UGT1A7: variants seen among roughly 807,000 people sequenced by gnomAD.
The protein encoded by UGT1A7 is UDP glucuronosyltransferase family 1 member A7.
In UGT1A7, 33 loss-of-function variants were observed where a neutral mutation model predicts 45.6. That is an observed-to-expected ratio of 0.72 (90% CI 0.55 to 0.97). UGT1A7 has a LOEUF of 0.97. Among genes scored for constraint, UGT1A7 ranks in the 50% least tolerant of loss-of-function variants. The pLI is 0.00. For missense variants in UGT1A7, 684 were observed against 666.2 expected (o/e 1.03, Z -0.29); for synonymous variants, 274 against 250.6 (o/e 1.09, Z -0.88).
At chr2:233,691,600 T>G in intron 1 of UGT1A7, 1 of 985,704 alleles carries the variant, frequency 1.0e-6, no homozygotes, top group Non-Finnish European at 1.2e-6. Flanking sequence ...TACACAGGTC[T>G]TGCTCTGGGA....
chr2:233,698,411 G>T (rs1011894202), intron 1 of UGT1A7, among the ~76,000 whole-genome samples: 1 of 152,042 alleles, frequency 6.6e-6, no homozygotes, highest in African/African-American at 2.4e-5. Flanking sequence ...TGACTTCATC[G>T]CAATAAATTA....
intron 1 of UGT1A7, chr2:233,691,082 A>G (rs2075027745): frequency 1.0e-6 from 1 of 986,066 alleles, no homozygotes; most frequent in Admixed American, 6.1e-5. Context: ...TGAAGTTTGT[A>G]GCATCTCTTG....
At position 233,772,646 on chromosome 2, in the gene UGT1A7, A is replaced by C; in HGVS notation, c.*87A>C. 6.5e-7 allele frequency: 1 copy of C among 1,549,870 alleles called. No homozygotes were observed. The highest frequency in any genetic ancestry group is 8.7e-7 in the Non-Finnish European group (1 of 1,147,250). ...ACAGAATCAGTGTTAAATTCATTTT[A>C]TTCTTATTAAGGAAATACTTTGCAT... On this transcript the variant is annotated 3_prime_UTR_variant, in exon 5 of 5. Coordinates refer to ENST00000373426, the MANE Select transcript of UGT1A7 (RefSeq NM_019077.3).
chr2:233,707,630 ATCCC>A (rs2075978386), intron 1 of UGT1A7, among the ~76,000 whole-genome samples: 1 of 151,038 alleles, frequency 6.6e-6, no homozygotes, highest in Non-Finnish European at 1.5e-5. Flanking sequence ...TACTGAATAT[ATCCC>A]ATTGTATGAA....
chr2:233,713,755 G>A (rs1032463751), intron 1 of UGT1A7: 1 of 1,613,844 alleles, frequency 6.2e-7, no homozygotes, highest in Non-Finnish European at 8.5e-7. Context: ...GCATCTGTGT[G>A]GCTGTTCCGA....
At chr2:233,718,787 G>T (rs780688906) in intron 1 of UGT1A7, 1 of 1,613,100 alleles carries the variant, frequency 6.2e-7, no homozygotes, top group South Asian at 1.1e-5. Flanking sequence ...CACAGCGTGG[G>T]GTGGACAGTC....
chr2:233,727,556 C>T (rs2077628647), intron 1 of UGT1A7, among the ~76,000 whole-genome samples: 1 of 152,116 alleles, frequency 6.6e-6, no homozygotes, highest in Non-Finnish European at 1.5e-5. Context: ...CACCTGGGCT[C>T]ATCATGAGGG....
At chr2:233,712,073 A>G (rs2076213454) in intron 1 of UGT1A7, among the ~76,000 whole-genome samples, 2 of 152,256 alleles carry the variant, frequency 1.3e-5, no homozygotes, top group African/African-American at 4.8e-5. Context: ...TCAGGATGAA[A>G]TAAAGGCCTG....
intron 4 of UGT1A7, chr2:233,770,791 A>G (rs1255344851): frequency 2.0e-5 from 3 of 152,202 alleles, no homozygotes; most frequent in Admixed American, 6.5e-5. Flanking sequence ...AACATTATAG[A>G]TATGTTTAAA....
At chr2:233,699,443 T>G (rs1417933041) in intron 1 of UGT1A7, among the ~76,000 whole-genome samples, 1 of 152,204 alleles carries the variant, frequency 6.6e-6, no homozygotes, top group African/African-American at 2.4e-5. Context: ...ATTGGAGTGT[T>G]TTCCTTAGAA....
At position 233,719,508 on chromosome 2, in the gene UGT1A7, C is replaced by T. The variant is rs760142681; in HGVS notation, c.855+36716C>T. The stretch of plus-strand genomic sequence containing the variant: ...CTACATTTGCCATACTTTTTCTGCC[C>T]CTTATGCAAGTCTTGCCTCTGAGCT... On this transcript the variant is annotated intron_variant, in intron 1 of 4. Coordinates refer to ENST00000373426, the MANE Select transcript of UGT1A7 (RefSeq NM_019077.3). 7 of 1,613,820 alleles carry T rather than the reference C, an allele frequency of 4.3e-6. No homozygotes were observed. In the South Asian group the frequency reaches 5.5e-5, roughly 13 times the overall value.
At chr2:233,771,960 T>A (rs1700422086) in intron 4 of UGT1A7, among the ~76,000 whole-genome samples, 1 of 152,076 alleles carries the variant, frequency 6.6e-6, no homozygotes, top group Non-Finnish European at 1.5e-5. Flanking sequence ...ACAAAAAATT[T>A]AAAAATTGGC....
At chr2:233,757,637 C>G (rs375047032) in intron 1 of UGT1A7, among the ~76,000 whole-genome samples, 3 of 148,590 alleles carry the variant, frequency 2.0e-5, no homozygotes, top group Non-Finnish European at 4.5e-5. Context: ...CAGAACAGAA[C>G]AAAATGCTGT....
Position 233,682,195 on chromosome 2 carries a change from G to A in UGT1A7, c.258G>A (p.Gln86=), listed in dbSNP as rs780825518. Residue 86 remains glutamine, a synonymous_variant, in exon 1 of 5, where the codon CAG becomes CAA. Coordinates refer to ENST00000373426, the MANE Select transcript of UGT1A7 (RefSeq NM_019077.3). The part of the protein sequence containing the change: ...TYSTSYTLED[Q]DREFMVFADA... ...CAACCTCATACACTCTGGAGGATCA[G>A]GACCGGGAGTTCATGGTTTTTGCCG... 8.7e-6 allele frequency: 14 copies of A among 1,614,214 alleles called. No individual in the cohort carries two copies. The highest frequency in any genetic ancestry group is 1.2e-5 in the Non-Finnish European group (14 of 1,180,024).
chr2:233,719,624 G>A (rs3732217), intron 1 of UGT1A7: 109,088 of 1,613,632 alleles, frequency 0.068, 3,778 homozygotes, highest in East Asian at 0.17. Context: ...ACCCCAGGCC[G>A]ATCATGCCCA....
chr2:233,724,260 C>T (rs1481062069), intron 1 of UGT1A7, among the ~76,000 whole-genome samples: 12 of 129,940 alleles, frequency 9.2e-5, no homozygotes, highest in East Asian at 4.9e-4. Context: ...CCTCACCTCC[C>T]GGACGGGGCG....
chr2:233,765,727 T>TA (rs1026006694), intron 1 of UGT1A7, among the ~76,000 whole-genome samples: 8 of 150,756 alleles, frequency 5.3e-5, no homozygotes, highest in Non-Finnish European at 1.0e-4. Context: ...ATAATAATAA[T>TA]AATAAATAAA....
chr2:233,725,060 G>A (rs969335161), intron 1 of UGT1A7, among the ~76,000 whole-genome samples: 12 of 147,180 alleles, frequency 8.2e-5, no homozygotes, highest in African/African-American at 2.0e-4. Flanking sequence ...GGCGGCGCGC[G>A]CCTGCAATCG....
intron 4 of UGT1A7, among the ~76,000 whole-genome samples, chr2:233,768,799 G>C (rs1295681406): frequency 6.6e-6 from 1 of 151,984 alleles, no homozygotes; most frequent in Admixed American, 6.6e-5. Flanking sequence ...TGTCAGGCTG[G>C]TCTTGAACTC....
Sources: allele counts gnomAD v4.1 joint callset (sites outside exome capture counted in the v4.1 genomes callset), GRCh38; gene constraint gnomAD v4.1.1; transcripts MANE v1.5; gene names NCBI Gene and HGNC (gene_info 2026-07-23, HGNC 2026-07-21).